Variants in TMEM117 observed in about 807,000 individuals in gnomAD.
TMEM117 encodes transmembrane protein 117.
A neutral mutation model predicts 52.4 loss-of-function variants in TMEM117; 27 were observed. That is an observed-to-expected ratio of 0.51 (90% CI 0.38 to 0.71). The LOEUF (loss-of-function observed/expected upper bound fraction) is 0.71, where lower values mean the gene tolerates loss of function less well. TMEM117 is among the 30% of genes least tolerant of loss of function. TMEM117 has a pLI of 0.00. For synonymous variants in TMEM117, 215 were observed against 206.3 expected, an observed-to-expected ratio of 1.04 and a Z score of -0.36; for missense variants, 556 against 630.5, an observed-to-expected ratio of 0.88 and a Z score of 1.26.
intron 2 of TMEM117, among the ~76,000 whole-genome samples, chr12:43,884,456 G>C (rs1056193698): frequency 1.4e-4 from 21 of 152,212 alleles, no homozygotes; most frequent in African/African-American, 3.4e-4. Context: ...CTTCTGTTCA[G>C]TTCTCTCTAG....
intron 2 of TMEM117, among the ~76,000 whole-genome samples, chr12:43,885,063 T>G (rs1229590700): frequency 1.3e-5 from 2 of 152,242 alleles, no homozygotes; most frequent in African/African-American, 2.4e-5. Flanking sequence ...TCTAACTGCC[T>G]GCGCAATACA....
chr12:44,114,272 GA>G (rs1165667587), intron 3 of TMEM117, among the ~76,000 whole-genome samples: 1 of 152,116 alleles, frequency 6.6e-6, no homozygotes, highest in Non-Finnish European at 1.5e-5. Flanking sequence ...TTATTTTAAA[GA>G]AAAATGACAA....
chr12:44,244,567 T>G (rs1335568526), intron 5 of TMEM117: 1 of 151,988 alleles, frequency 6.6e-6, no homozygotes, highest in Non-Finnish European at 1.5e-5. Flanking sequence ...TAATATTGAA[T>G]AGTTTGAGTT....
At chr12:43,830,654 G>T in the TMEM117 span, among the ~76,000 whole-genome samples, 1 of 151,018 alleles carries the variant, frequency 6.6e-6, no homozygotes, top group Non-Finnish European at 1.5e-5. Flanking sequence ...AAGTACCTTT[G>T]CCCAGCCATT....
intron 3 of TMEM117, among the ~76,000 whole-genome samples, chr12:43,960,435 A>G (rs985797545): frequency 1.3e-5 from 2 of 152,196 alleles, no homozygotes; most frequent in African/African-American, 2.4e-5. Flanking sequence ...TTGGTTTTGC[A>G]TTACTTGGTT....
At chr12:44,265,352 T>C (rs763865453) in intron 5 of TMEM117, among the ~76,000 whole-genome samples, 6 of 152,232 alleles carry the variant, frequency 3.9e-5, no homozygotes, top group Non-Finnish European at 7.4e-5. Context: ...TCATTCTAAG[T>C]GCAATGACAC....
chr12:43,971,836 A>G (rs1021863371), intron 3 of TMEM117, among the ~76,000 whole-genome samples: 1 of 152,252 alleles, frequency 6.6e-6, no homozygotes, highest in African/African-American at 2.4e-5. Flanking sequence ...ACAATGTTGT[A>G]TAGCAGATGT....
chr12:44,003,761 G>A (rs140519308), intron 3 of TMEM117, among the ~76,000 whole-genome samples: 154 of 152,310 alleles, frequency 1.0e-3, no homozygotes, highest in Non-Finnish European at 1.7e-3. Context: ...GCAGTAGAAT[G>A]ACATCTTTCT....
intron 2 of TMEM117, among the ~76,000 whole-genome samples, chr12:43,919,201 A>C (rs1944653279): frequency 6.6e-6 from 1 of 152,190 alleles, no homozygotes; most frequent in Admixed American, 6.5e-5. Flanking sequence ...ACAATACGTT[A>C]TTGTTGACTC....
chr12:43,821,018 C>T, the TMEM117 span, among the ~76,000 whole-genome samples: 1 of 151,300 alleles, frequency 6.6e-6, no homozygotes, highest in Non-Finnish European at 1.5e-5. Context: ...TGGCATGAAC[C>T]CGGGAGGCGG....
intron 3 of TMEM117, among the ~76,000 whole-genome samples, chr12:44,054,252 G>A (rs1265669942): frequency 2.6e-5 from 4 of 152,092 alleles, no homozygotes; most frequent in Non-Finnish European, 5.9e-5. Context: ...AATCTTTATC[G>A]AGGATTGGAA....
intron 2 of TMEM117, among the ~76,000 whole-genome samples, chr12:43,871,552 C>G (rs1054821535): frequency 6.6e-6 from 1 of 152,112 alleles, no homozygotes; most frequent in Non-Finnish European, 1.5e-5. Context: ...AGTGTCTGTT[C>G]ATGGTTTTAT....
chr12:44,345,411 A>T (rs1565738414), intron 6 of TMEM117, among the ~76,000 whole-genome samples: 1 of 152,222 alleles, frequency 6.6e-6, no homozygotes, highest in East Asian at 1.9e-4. Context: ...CACTGTATAG[A>T]TGGGGGAGAC....
At chr12:43,818,760 T>A in the TMEM117 span, among the ~76,000 whole-genome samples, 2 of 152,180 alleles carry the variant, frequency 1.3e-5, no homozygotes, top group Non-Finnish European at 2.9e-5. Context: ...GTTCTTTTAA[T>A]CTTAACATTT....
At chr12:44,240,635 T>A (rs1372858915) in intron 5 of TMEM117, among the ~76,000 whole-genome samples, 3 of 152,122 alleles carry the variant, frequency 2.0e-5, no homozygotes, top group Non-Finnish European at 4.4e-5. Flanking sequence ...TTTATGTTAA[T>A]GCTTTTTTAT....
chr12:44,010,710 G>T (rs957807868), intron 3 of TMEM117, among the ~76,000 whole-genome samples: 1 of 152,046 alleles, frequency 6.6e-6, no homozygotes, highest in Non-Finnish European at 1.5e-5. Context: ...ACATTTATAA[G>T]TAATCCAAGT....
chr12:44,181,151 C>A (rs1949192038), intron 4 of TMEM117, among the ~76,000 whole-genome samples: 1 of 149,878 alleles, frequency 6.7e-6, no homozygotes, highest in Admixed American at 6.6e-5. Flanking sequence ...TAAATGTCTT[C>A]TTTTGAGAAG....
intron 3 of TMEM117, among the ~76,000 whole-genome samples, chr12:44,095,854 A>G (rs888310973): frequency 1.9e-4 from 29 of 152,142 alleles, no homozygotes; most frequent in Non-Finnish European, 4.3e-4. Flanking sequence ...ATAGTGTTGG[A>G]AGTTCTGGCC....
chr12:44,057,588 G>GAA (rs200770512), intron 3 of TMEM117, among the ~76,000 whole-genome samples: 2 of 139,784 alleles, frequency 1.4e-5, no homozygotes, highest in African/African-American at 5.3e-5. Flanking sequence ...TGATTTTTTT[G>GAA]AAAAAAAAAT....
Sources: gnomAD v4.1 joint callset for allele counts (sites outside exome capture counted in the v4.1 genomes callset) on GRCh38, gnomAD v4.1.1 for gene constraint, MANE v1.5 for transcripts, NCBI Gene and HGNC (gene_info 2026-07-23, HGNC 2026-07-21) for gene names.